Variants in PPP3CA observed in about 807,000 individuals in gnomAD.
PPP3CA encodes CAM-PRP catalytic subunit.
A neutral mutation model predicts 66.5 loss-of-function variants in PPP3CA; 14 were observed. That is an observed-to-expected ratio of 0.21 (90% CI 0.14 to 0.33). The LOEUF is 0.33. PPP3CA is among the 10% of genes least tolerant of loss of function. The pLI is 1.00. For missense variants in PPP3CA, 317 were observed against 639.5 expected (o/e 0.50, Z 5.44); for synonymous variants, 232 against 226.2 (o/e 1.03, Z -0.23).
At position 101,288,155 on chromosome 4, in the gene PPP3CA, T is replaced by G. The variant is rs562332361; in HGVS notation, c.58+58584A>C. Among the ~76,000 whole-genome samples the G allele has an allele frequency of 9.9e-5, 15 of 152,254 alleles. No individual in the cohort carries two copies. The East Asian group carries it at 2.9e-3, about 29-fold the overall frequency. The stretch of plus-strand genomic sequence containing the variant: ...GCCATCACCTCTTGGTGACAGAAAC[T>G]TAAGGCTATATCTGAAGGCACAATA... On this transcript the variant is annotated intron_variant, in intron 1 of 13. Coordinates refer to ENST00000394854, the MANE Select transcript of PPP3CA (RefSeq NM_000944.5).
chr4:101,221,924 ATTC>A (rs1162379296), intron 1 of PPP3CA, among the ~76,000 whole-genome samples: 1 of 151,594 alleles, frequency 6.6e-6, no homozygotes, highest in African/African-American at 2.4e-5. Flanking sequence ...TATAGATTGC[ATTC>A]TTAATATTAC....
chr4:101,036,801 T>C (rs1193677348), intron 11 of PPP3CA, among the ~76,000 whole-genome samples: 1 of 152,202 alleles, frequency 6.6e-6, no homozygotes, highest in East Asian at 1.9e-4. Flanking sequence ...CCAAATTCAG[T>C]GCATCCTACT....
At chr4:101,028,733 T>TA (rs1480265288) in intron 13 of PPP3CA, among the ~76,000 whole-genome samples, 1 of 152,150 alleles carries the variant, frequency 6.6e-6, no homozygotes, top group African/African-American at 2.4e-5. Flanking sequence ...TAAATGAACA[T>TA]TTTTTTCCTT....
chr4:101,278,136 AAAAT>A (rs910800824), intron 1 of PPP3CA, among the ~76,000 whole-genome samples: 13 of 145,916 alleles, frequency 8.9e-5, no homozygotes, highest in South Asian at 8.4e-4. Context: ...AAAAAAAAAA[AAAAT>A]AAAAAAATTA....
chr4:101,211,260 A>T (rs1031176669), intron 1 of PPP3CA, among the ~76,000 whole-genome samples: 1 of 152,164 alleles, frequency 6.6e-6, no homozygotes, highest in Non-Finnish European at 1.5e-5. Flanking sequence ...AATGATCCAA[A>T]GGTAATTAAG....
At chr4:101,026,135 G>A (rs1578383005) in intron 13 of PPP3CA, 74 bp from the exon 14 acceptor site, 10 of 1,300,032 alleles carry the variant, frequency 7.7e-6, no homozygotes, top group Non-Finnish European at 1.1e-5. Flanking sequence ...TGTTGCAGCA[G>A]GTGATGTTAG....
At chr4:101,284,493 A>G (rs909209021) in intron 1 of PPP3CA, among the ~76,000 whole-genome samples, 9 of 152,192 alleles carry the variant, frequency 5.9e-5, no homozygotes, top group African/African-American at 2.2e-4. Context: ...ATTTGGCTTA[A>G]CAGATTATTT....
chr4:101,261,857 C>T (rs932552680), intron 1 of PPP3CA, among the ~76,000 whole-genome samples: 1 of 151,578 alleles, frequency 6.6e-6, no homozygotes, highest in African/African-American at 2.4e-5. Context: ...CCCCTCTCCC[C>T]CCACCCAAAA....
At chr4:101,313,903 T>C (rs1051627397) in intron 1 of PPP3CA, among the ~76,000 whole-genome samples, 7 of 152,226 alleles carry the variant, frequency 4.6e-5, no homozygotes, top group Non-Finnish European at 7.3e-5. Context: ...CCCCAGCTGA[T>C]TAGTGAACAT....
intron 2 of PPP3CA, among the ~76,000 whole-genome samples, chr4:101,131,962 C>T (rs1361341095): frequency 1.3e-5 from 2 of 152,196 alleles, no homozygotes; most frequent in Non-Finnish European, 2.9e-5. Flanking sequence ...CTCAAAACCA[C>T]ACAACTACAT....
intron 2 of PPP3CA, among the ~76,000 whole-genome samples, chr4:101,163,293 T>G (rs1299869703): frequency 6.6e-6 from 1 of 152,178 alleles, no homozygotes; most frequent in Non-Finnish European, 1.5e-5. Flanking sequence ...TTGAAGATAC[T>G]TAATTCATTG....
intron 11 of PPP3CA, among the ~76,000 whole-genome samples, chr4:101,034,167 T>C (rs570280442): frequency 1.2e-4 from 18 of 152,288 alleles, no homozygotes; most frequent in African/African-American, 4.1e-4. Context: ...ACCCATCTCT[T>C]GGTCAACATT....
chr4:101,124,195 CTGTAGA>C (rs1722124193), intron 2 of PPP3CA, among the ~76,000 whole-genome samples: 2 of 152,106 alleles, frequency 1.3e-5, no homozygotes, highest in African/African-American at 4.8e-5. Context: ...AATTTTACAT[CTGTAGA>C]TGTAAAGTGC....
At chr4:101,231,672 T>G (rs561838503) in intron 1 of PPP3CA, among the ~76,000 whole-genome samples, 5 of 151,884 alleles carry the variant, frequency 3.3e-5, no homozygotes, top group African/African-American at 1.2e-4. Flanking sequence ...CATATCTTGC[T>G]GCAAATACTT....
At chr4:101,284,443 CA>C (rs2110281547) in intron 1 of PPP3CA, among the ~76,000 whole-genome samples, 1 of 152,228 alleles carries the variant, frequency 6.6e-6, no homozygotes, top group East Asian at 1.9e-4. Flanking sequence ...TTAACACCCA[CA>C]AAGCTTGTAA....
intron 2 of PPP3CA, among the ~76,000 whole-genome samples, chr4:101,174,943 T>A (rs552525656): frequency 1.3e-5 from 2 of 152,244 alleles, no homozygotes; most frequent in East Asian, 1.9e-4. Flanking sequence ...CTGGGTTGAA[T>A]CCAGGCACTA....
At chr4:101,209,709 A>G (rs1245582212) in intron 1 of PPP3CA, among the ~76,000 whole-genome samples, 1 of 152,218 alleles carries the variant, frequency 6.6e-6, no homozygotes, top group Non-Finnish European at 1.5e-5. Flanking sequence ...TACTGGCCAC[A>G]AGGTCTACCA....
At chr4:101,320,793 C>T (rs1375335982) in intron 1 of PPP3CA, among the ~76,000 whole-genome samples, 2 of 152,022 alleles carry the variant, frequency 1.3e-5, no homozygotes, top group African/African-American at 2.4e-5. Context: ...GCATATGATC[C>T]GTTCAGAATC....
At chr4:101,081,251 T>C (rs1357824356) in intron 7 of PPP3CA, among the ~76,000 whole-genome samples, 1 of 152,180 alleles carries the variant, frequency 6.6e-6, no homozygotes, top group Non-Finnish European at 1.5e-5. Context: ...TTAAAAAGAA[T>C]GTCCCCTTAA....
Sources: gnomAD v4.1 joint callset for allele counts (sites outside exome capture counted in the v4.1 genomes callset) on GRCh38, gnomAD v4.1.1 for gene constraint, MANE v1.5 for transcripts, NCBI Gene and HGNC (gene_info 2026-07-23, HGNC 2026-07-21) for gene names.